The following ADK variants were observed in gnomAD, a reference collection of about 807,000 sequenced individuals.
ADK encodes adenosine kinase, also known as N6,N6-dimethyladenosine kinase.
ADK carries 24 observed loss-of-function variants against 44.7 expected under a neutral mutation model. That is an observed-to-expected ratio of 0.54 (90% CI 0.39 to 0.76). The LOEUF is 0.76. ADK is among the 30% of genes least tolerant of loss of function. The probability of loss-of-function intolerance (pLI) is 0.00; values close to 1 mark genes in which losing one functional copy is unlikely to be tolerated. For synonymous variants in ADK, 128 were observed against 142.6 expected, an observed-to-expected ratio of 0.90 and a Z score of 0.73; for missense variants, 321 against 425.1, an observed-to-expected ratio of 0.76 and a Z score of 2.15.
In ADK at chr10:74,431,066, C is replaced by CAAAA. The variant is rs35141788; in HGVS notation, c.555+32509_555+32512dup. Among the ~76,000 whole-genome samples the CAAAA allele has an allele frequency of 1.2e-3, 71 of 57,068 alleles. 3 individuals are homozygous for CAAAA. The highest frequency in any genetic ancestry group is 2.1e-3 in the South Asian group (2 of 964). The allele number at this position is 57,068 out of a possible 152,430, so 37.4% of individuals were successfully genotyped here. A position where few individuals can be genotyped will look rare whatever the true frequency, so the allele number is the denominator to read the frequency against. ...TGGGCGACAGAGCGAGACTCCGTCT[C>CAAAA]AAAAAAAAAAAAAAAAAAAAAAAAA... On this transcript the variant is annotated intron_variant, in intron 6 of 10. Transcript: ENST00000539909.
At chr10:74,317,855 C>T (rs560782565) in intron 4 of ADK, among the ~76,000 whole-genome samples, 9 of 152,152 alleles carry the variant, frequency 5.9e-5, no homozygotes, top group East Asian at 1.9e-4. Context: ...GATCTCTGCT[C>T]ACTGCAACCT....
chr10:74,598,440 C>CT (rs367982701), intron 8 of ADK, among the ~76,000 whole-genome samples: 2,287 of 114,040 alleles, frequency 0.02, 301 homozygotes, highest in African/African-American at 0.043. Flanking sequence ...GAATCTTATT[C>CT]CTTTTTTTTT....
chr10:74,419,239 A>G (rs1844473978), intron 6 of ADK, among the ~76,000 whole-genome samples: 1 of 152,126 alleles, frequency 6.6e-6, no homozygotes, highest in South Asian at 2.1e-4. Flanking sequence ...CAATATGCAA[A>G]GCACTCTATT....
intron 6 of ADK, among the ~76,000 whole-genome samples, chr10:74,501,251 T>C (rs972934539): frequency 6.6e-6 from 1 of 152,222 alleles, no homozygotes; most frequent in African/African-American, 2.4e-5. Context: ...AAAATCACTT[T>C]ATGATAAAAT....
chr10:74,524,495 C>T (rs1038101557), intron 6 of ADK, among the ~76,000 whole-genome samples: 4 of 152,146 alleles, frequency 2.6e-5, no homozygotes, highest in Admixed American at 6.5e-5. Context: ...TGGGCTATAG[C>T]AATCCTCCCG....
chr10:74,362,832 A>T (rs551730444), intron 4 of ADK, among the ~76,000 whole-genome samples: 1 of 152,252 alleles, frequency 6.6e-6, no homozygotes, highest in Non-Finnish European at 1.5e-5. Context: ...AGGTTGACAC[A>T]GCTTTCTGGC....
chr10:74,481,532 C>T (rs1286936596), intron 6 of ADK, among the ~76,000 whole-genome samples: 1 of 151,978 alleles, frequency 6.6e-6, no homozygotes, highest in Non-Finnish European at 1.5e-5. Context: ...TGTGTTTCAC[C>T]ATCTGTTAAT....
chr10:74,520,412 T>C (rs1848767602), intron 6 of ADK, among the ~76,000 whole-genome samples: 1 of 152,006 alleles, frequency 6.6e-6, no homozygotes, highest in South Asian at 2.1e-4. Context: ...TAATATAGAC[T>C]TATACTTCCA....
intron 9 of ADK, among the ~76,000 whole-genome samples, chr10:74,613,502 T>C (rs1312775194): frequency 6.6e-6 from 1 of 152,116 alleles, no homozygotes; most frequent in Admixed American, 6.6e-5. Context: ...TCTCCTACTT[T>C]TGAGGTGCTT....
At chr10:74,520,725 G>A (rs549791773) in intron 6 of ADK, among the ~76,000 whole-genome samples, 2 of 152,006 alleles carry the variant, frequency 1.3e-5, no homozygotes, top group South Asian at 2.1e-4. Context: ...AAGTTTTTTC[G>A]ATTTCCAAGC....
intron 4 of ADK, among the ~76,000 whole-genome samples, chr10:74,336,765 C>T (rs1841422554): frequency 6.6e-6 from 1 of 152,194 alleles, no homozygotes; most frequent in Admixed American, 6.5e-5. Flanking sequence ...ATAACCTATG[C>T]ATATCCTCCC....
intron 3 of ADK, among the ~76,000 whole-genome samples, chr10:74,265,202 T>A (rs1846169864): frequency 6.6e-6 from 1 of 152,004 alleles, no homozygotes; most frequent in South Asian, 2.1e-4. Flanking sequence ...TTGGAATTTA[T>A]AATATAAAAT....
At chr10:74,279,761 A>G (rs1846845837) in intron 3 of ADK, among the ~76,000 whole-genome samples, 1 of 151,802 alleles carries the variant, frequency 6.6e-6, no homozygotes, top group South Asian at 2.1e-4. Flanking sequence ...TGGCCAAGTG[A>G]AGTGCTCAGG....
chr10:74,479,255 A>G (rs966414409), intron 6 of ADK, among the ~76,000 whole-genome samples: 2 of 152,088 alleles, frequency 1.3e-5, no homozygotes, highest in Non-Finnish European at 2.9e-5. Context: ...TCGGCCTCCA[A>G]AAGTGCTAGG....
chr10:74,363,415 C>T (rs1842401658), intron 4 of ADK, among the ~76,000 whole-genome samples: 1 of 152,116 alleles, frequency 6.6e-6, no homozygotes, highest in African/African-American at 2.4e-5. Context: ...GCTGAAACTG[C>T]ACCACCCTGG....
rs144308085 is a variant in ADK, at chr10:74,252,403, T to C, written c.194+27812T>C. ...GTTTTTTTCTTTTAAACGATACTTA[T>C]CACTGAAAGAAACCTAACTGGGATC... On this transcript the variant is annotated intron_variant, in intron 3 of 10. Coordinates refer to ENST00000539909, the MANE Select transcript of ADK (RefSeq NM_006721.4). Among the ~76,000 whole-genome samples, 347 of 152,328 alleles carry C rather than the reference T, an allele frequency of 2.3e-3. 1 individual carries two copies. The highest frequency in any genetic ancestry group is 8.0e-3 in the African/African-American group (332 of 41,576).
At chr10:74,426,226 G>T (rs539494037) in intron 6 of ADK, among the ~76,000 whole-genome samples, 2 of 152,140 alleles carry the variant, frequency 1.3e-5, no homozygotes, top group Non-Finnish European at 2.9e-5. Flanking sequence ...TTATATATGA[G>T]ACTAAACATA....
intron 2 of ADK, among the ~76,000 whole-genome samples, chr10:74,207,641 G>A (rs1843651642): frequency 6.6e-6 from 1 of 152,194 alleles, no homozygotes; most frequent in Non-Finnish European, 1.5e-5. Flanking sequence ...TCTTCTGTAA[G>A]TCTGGCTGAG....
intron 6 of ADK, among the ~76,000 whole-genome samples, chr10:74,423,224 C>T (rs1310087489): frequency 6.6e-6 from 1 of 152,154 alleles, no homozygotes; most frequent in Non-Finnish European, 1.5e-5. Flanking sequence ...TGACCTAAGA[C>T]TTAAAATTGA....
Sources: gnomAD v4.1 joint callset for allele counts (sites outside exome capture counted in the v4.1 genomes callset) on GRCh38, gnomAD v4.1.1 for gene constraint, MANE v1.5 for transcripts, NCBI Gene and HGNC (gene_info 2026-07-23, HGNC 2026-07-21) for gene names.